The following DPP6 variants were observed in gnomAD, a reference collection of about 807,000 sequenced individuals.
The protein encoded by DPP6 is dipeptidyl peptidase like 6.
In DPP6, 69 loss-of-function variants were observed where a neutral mutation model predicts 122.6. That is an observed-to-expected ratio of 0.56 (90% CI 0.46 to 0.69). DPP6 has a LOEUF of 0.69. Ranked by LOEUF, DPP6 falls within the 30% of genes least tolerant of loss-of-function variation. The probability of loss-of-function intolerance (pLI) is 0.00; values close to 1 mark genes in which losing one functional copy is unlikely to be tolerated. For missense variants in DPP6, 928 were observed against 1,116.9 expected, an observed-to-expected ratio of 0.83 and a Z score of 2.41; for synonymous variants, 418 against 433.1, an observed-to-expected ratio of 0.97 and a Z score of 0.43.
intron 8 of DPP6, among the ~76,000 whole-genome samples, chr7:154,765,870 T>C (rs778091734): frequency 6.6e-6 from 1 of 152,252 alleles, no homozygotes; most frequent in Non-Finnish European, 1.5e-5. Flanking sequence ...ATTTCGTTGA[T>C]GAAATAGGTT....
chr7:154,645,400 C>T (rs1413153641), intron 6 of DPP6, among the ~76,000 whole-genome samples: 3 of 152,016 alleles, frequency 2.0e-5, no homozygotes, highest in Non-Finnish European at 1.5e-5. Flanking sequence ...GAACTGTGAA[C>T]AACTCATACA....
intron 1 of DPP6, among the ~76,000 whole-genome samples, chr7:154,390,925 C>T (rs1010917871): frequency 1.3e-5 from 2 of 152,280 alleles, no homozygotes; most frequent in African/African-American, 4.8e-5. Context: ...TCAGATCGTA[C>T]AGTCGTCAGA....
chr7:153,933,925 A>G (rs1403033561), intron 1 of DPP6, among the ~76,000 whole-genome samples: 1 of 152,236 alleles, frequency 6.6e-6, no homozygotes, highest in Admixed American at 6.5e-5. Context: ...TGTATCGTGG[A>G]TCGCGTGGGA....
chr7:154,883,738 C>T (rs927934206), intron 21 of DPP6: 1 of 149,636 alleles, frequency 6.7e-6, no homozygotes, highest in Admixed American at 6.6e-5. Flanking sequence ...CATACATGCT[C>T]ACAAACACGA....
At chr7:153,853,185 CTCTG>C in the DPP6 span, among the ~76,000 whole-genome samples, 1 of 152,236 alleles carries the variant, frequency 6.6e-6, no homozygotes, top group Non-Finnish European at 1.5e-5. Flanking sequence ...GACCCCTCTT[CTCTG>C]TCTGTCTCAT....
chr7:153,934,602 C>A (rs994454364), intron 1 of DPP6, among the ~76,000 whole-genome samples: 15 of 151,936 alleles, frequency 9.9e-5, no homozygotes, highest in African/African-American at 3.6e-4. Flanking sequence ...AGGGATATGC[C>A]CAAGATATTC....
At chr7:154,156,998 T>G (rs1446907913) in intron 1 of DPP6, among the ~76,000 whole-genome samples, 4 of 152,252 alleles carry the variant, frequency 2.6e-5, no homozygotes, top group Non-Finnish European at 4.4e-5. Context: ...CAGGTTAGCT[T>G]TATAATTTTG....
intron 5 of DPP6, among the ~76,000 whole-genome samples, chr7:154,586,263 G>A (rs1002184613): frequency 6.6e-6 from 1 of 152,132 alleles, no homozygotes; most frequent in Non-Finnish European, 1.5e-5. Flanking sequence ...TGAGGCAGGA[G>A]GATTATTTGA....
At chr7:153,871,504 C>T in the DPP6 span, among the ~76,000 whole-genome samples, 9 of 152,312 alleles carry the variant, frequency 5.9e-5, no homozygotes, top group African/African-American at 1.4e-4. Flanking sequence ...TTTGGAAAAG[C>T]GCAGTATTAG....
At chr7:154,805,026 G>A in intron 15 of DPP6, 62 bp downstream of exon 15, 1 of 1,545,016 alleles carries the variant, frequency 6.5e-7, no homozygotes, top group South Asian at 1.2e-5. Flanking sequence ...AGGCTTTGCA[G>A]AATTGCACCT....
chr7:153,761,239 C>G, the DPP6 span, among the ~76,000 whole-genome samples: 6 of 152,152 alleles, frequency 3.9e-5, no homozygotes, highest in East Asian at 9.7e-4. Context: ...TCTATTTTGA[C>G]TAGAAGTGAA....
the DPP6 span, among the ~76,000 whole-genome samples, chr7:153,877,065 A>G: frequency 6.6e-6 from 1 of 151,972 alleles, no homozygotes; most frequent in African/African-American, 2.4e-5. Flanking sequence ...ACTACTGTAG[A>G]CTTTCCCAAC....
chr7:153,953,453 T>A (rs945284648), intron 1 of DPP6, among the ~76,000 whole-genome samples: 4 of 152,114 alleles, frequency 2.6e-5, no homozygotes, highest in African/African-American at 9.7e-5. Context: ...CCCTCAAAAT[T>A]CCGTGTGCTG....
At chr7:154,141,586 C>T (rs1795847596) in intron 1 of DPP6, among the ~76,000 whole-genome samples, 2 of 152,182 alleles carry the variant, frequency 1.3e-5, no homozygotes, top group Admixed American at 1.3e-4. Context: ...TCCTTTGGTC[C>T]CAGTAGGTAC....
In DPP6 at chr7:153,915,813, G is replaced by C. The variant is rs563278022; in HGVS notation, c.51+28079G>C. On this transcript the variant is annotated intron_variant, in intron 1 of 25. Coordinates refer to the DPP6 transcript ENST00000404039. ...GAGAGACAATGAATCAGCATTTCAAGCTACAGGCAAAATAAATAATATGTT... is the reference window on the plus strand; with the variant it reads ...GAGAGACAATGAATCAGCATTTCAACCTACAGGCAAAATAAATAATATGTT... Among the ~76,000 whole-genome samples the C allele has an allele frequency of 9.2e-5, 14 of 152,260 alleles. No individual in the cohort carries two copies. In the South Asian group the frequency reaches 2.9e-3, roughly 32 times the overall value.
intron 1 of DPP6, among the ~76,000 whole-genome samples, chr7:153,962,079 T>A (rs955716086): frequency 1.3e-5 from 2 of 150,442 alleles, no homozygotes. Context: ...GGCATCACTT[T>A]GCTGGGAAAG....
intron 1 of DPP6, among the ~76,000 whole-genome samples, chr7:154,338,377 G>C (rs989934689): frequency 6.6e-6 from 1 of 152,106 alleles, no homozygotes; most frequent in Non-Finnish European, 1.5e-5. Context: ...AGCTTGTAAA[G>C]CATCAAGAAA....
intron 18 of DPP6, among the ~76,000 whole-genome samples, chr7:154,871,605 C>T (rs1804404960): frequency 6.6e-6 from 1 of 152,158 alleles, no homozygotes; most frequent in Admixed American, 6.5e-5. Flanking sequence ...AGGGAGCAGC[C>T]CAGACCATGT....
At chr7:154,136,806 T>C (rs144977131) in intron 1 of DPP6, among the ~76,000 whole-genome samples, 2,053 of 152,334 alleles carry the variant, frequency 0.013, 35 homozygotes, top group African/African-American at 0.047. Context: ...TGGAAAACAT[T>C]AATCTACAAA....
Sources: allele counts gnomAD v4.1 joint callset (sites outside exome capture counted in the v4.1 genomes callset), GRCh38; gene constraint gnomAD v4.1.1; transcripts MANE v1.5; gene names NCBI Gene and HGNC (gene_info 2026-07-23, HGNC 2026-07-21).